The following ADARB2 variants were observed in gnomAD, a reference collection of about 807,000 sequenced individuals.
ADARB2 encodes the protein adenosine deaminase RNA specific B2 (inactive), also known as inactive double-stranded RNA-specific editase B2.
Under a neutral mutation model 62.2 loss-of-function variants are expected in ADARB2, and 25 were observed. The observed-to-expected ratio is 0.40, with a 90% confidence interval of 0.29 to 0.56. The LOEUF (loss-of-function observed/expected upper bound fraction) is 0.56. ADARB2 is among the 20% of genes least tolerant of loss of function. ADARB2 has a pLI of 0.43. For synonymous variants in ADARB2, 572 were observed against 500.8 expected (o/e 1.14, Z -1.90); for missense variants, 1,071 against 1,077.4 (o/e 0.99, Z 0.08).
At chr10:1,308,245 GTCC>G (rs2131821423) in intron 3 of ADARB2, among the ~76,000 whole-genome samples, 1 of 152,180 alleles carries the variant, frequency 6.6e-6, no homozygotes, top group Admixed American at 6.5e-5. Flanking sequence ...TTTCCAGAAT[GTCC>G]TGTAGATGGA....
rs558432447 is a variant in ADARB2, at chr10:1,341,318, A to G, written c.1077+21710T>C. ...AGAGAACCACGTGCCCCACAGTGGC[A>G]ATAACCAGCATCCACCAGAGAACAA... On this transcript the variant is annotated intron_variant, in intron 3 of 9. Coordinates refer to ENST00000381312, the MANE Select transcript of ADARB2 (RefSeq NM_018702.4). Among the ~76,000 whole-genome samples, 851 of 141,188 alleles carry G rather than the reference A, an allele frequency of 6.0e-3. 20 individuals carry two copies. The highest frequency in any genetic ancestry group is 0.022 in the African/African-American group (787 of 36,588). 92.6% of individuals were successfully genotyped at this position (141,188 alleles called of 152,430 possible).
intron 3 of ADARB2, among the ~76,000 whole-genome samples, chr10:1,341,315 G>A (rs1475872666): frequency 6.8e-6 from 1 of 147,738 alleles, no homozygotes; most frequent in African/African-American, 2.5e-5. Flanking sequence ...GCCCCACAGT[G>A]GCAATAACCA....
intron 6 of ADARB2, among the ~76,000 whole-genome samples, chr10:1,228,336 C>T (rs558481718): frequency 9.2e-5 from 14 of 152,266 alleles, no homozygotes; most frequent in Non-Finnish European, 1.5e-4. Flanking sequence ...GCAGGCAGGT[C>T]GTTGGTGGGT....
intron 6 of ADARB2, among the ~76,000 whole-genome samples, chr10:1,230,013 A>C (rs1830789311): frequency 6.6e-6 from 1 of 152,178 alleles, no homozygotes; most frequent in African/African-American, 2.4e-5. Flanking sequence ...AGGACCAAGC[A>C]CTGTGCTGGT....
chr10:1,527,276 G>A (rs1186497975), intron 1 of ADARB2, among the ~76,000 whole-genome samples: 1 of 152,178 alleles, frequency 6.6e-6, no homozygotes, highest in Non-Finnish European at 1.5e-5. Flanking sequence ...GACTCTGCTA[G>A]TATTTTAAAT....
Position 1,303,204 on chromosome 10 carries a change from C to T in ADARB2, c.1078-32135G>A, listed in dbSNP as rs1405501522. Among the ~76,000 whole-genome samples the T allele has an allele frequency of 2.0e-5, 3 of 151,998 alleles. No individual in the cohort carries two copies. In the East Asian group the frequency reaches 5.8e-4, roughly 29 times the overall value. On this transcript the variant is annotated intron_variant, in intron 3 of 9. Coordinates refer to ENST00000381312, the MANE Select transcript of ADARB2 (RefSeq NM_018702.4). ...TTAAAGGAGCTGATAGAGCTGAAAA[C>T]CAAGGCTCGAGAACTACGTGAAGAA...
At chr10:1,199,875 G>A in intron 8 of ADARB2, 91 bp downstream of exon 8, 9 of 1,321,588 alleles carry the variant, frequency 6.8e-6, no homozygotes, top group Non-Finnish European at 9.0e-6. Flanking sequence ...CAACATGGAT[G>A]AAGTCTGCGA....
rs750228713 is a variant in ADARB2, at chr10:1,363,544, C to T, written c.561G>A (p.Arg187=). The T allele has an allele frequency of 3.1e-5, 48 of 1,563,538 alleles. No homozygotes were observed. Among genetic ancestry groups the T allele is most frequent in the Non-Finnish European group, 4.1e-5 (48 of 1,156,820 alleles). ...AKMRAAELAL[R]SFVQFPNACQ... Reference sequence around the variant, plus strand: ...AGGCGTTGGGGAACTGCACGAAGGACCTGAGTGCCAGCTCCGCCGCGCGCA... The same window carrying T: ...AGGCGTTGGGGAACTGCACGAAGGATCTGAGTGCCAGCTCCGCCGCGCGCA... The change falls in exon 3 of 10, where the codon AGG becomes AGA. Residue 187 remains arginine, a synonymous_variant. Coordinates refer to ENST00000381312, the MANE Select transcript of ADARB2 (RefSeq NM_018702.4).
chr10:1,647,613 T>C (rs1235797054), intron 1 of ADARB2, among the ~76,000 whole-genome samples: 1 of 152,120 alleles, frequency 6.6e-6, no homozygotes, highest in Non-Finnish European at 1.5e-5. Flanking sequence ...TGTGTGGGGA[T>C]ATGTATTTAT....
intron 8 of ADARB2, 91 bp from the exon 9 acceptor site, chr10:1,185,130 T>C: frequency 6.9e-7 from 1 of 1,444,232 alleles, no homozygotes; most frequent in East Asian, 2.4e-5. Context: ...GGAGCCTGTA[T>C]GTGAGTGGGA....
intron 1 of ADARB2, among the ~76,000 whole-genome samples, chr10:1,587,357 C>T (rs1231486836): frequency 6.6e-6 from 1 of 152,190 alleles, no homozygotes; most frequent in Non-Finnish European, 1.5e-5. Flanking sequence ...TTCCAGTCCT[C>T]ATCCAGACAG....
At chr10:1,262,354 A>G (rs1233573944) in intron 4 of ADARB2, among the ~76,000 whole-genome samples, 1 of 150,634 alleles carries the variant, frequency 6.6e-6, no homozygotes, top group Non-Finnish European at 1.5e-5. Flanking sequence ...CAGGCAGCCT[A>G]CAGAATGGGA....
At chr10:1,651,342 G>A (rs1834106669) in intron 1 of ADARB2, among the ~76,000 whole-genome samples, 1 of 152,238 alleles carries the variant, frequency 6.6e-6, no homozygotes, top group South Asian at 2.1e-4. Flanking sequence ...CTCCAAGGTT[G>A]GCCCTGGCGA....
At chr10:1,295,011 G>T (rs1281056790) in intron 3 of ADARB2, among the ~76,000 whole-genome samples, 1 of 152,220 alleles carries the variant, frequency 6.6e-6, no homozygotes, top group Non-Finnish European at 1.5e-5. Flanking sequence ...CAGGTAAGCA[G>T]CTGGCTTCTG....
At chr10:1,414,028 A>C (rs1832781172) in intron 1 of ADARB2, among the ~76,000 whole-genome samples, 1 of 152,112 alleles carries the variant, frequency 6.6e-6, no homozygotes, top group African/African-American at 2.4e-5. Context: ...CGTTCTTCAG[A>C]CGCTGTTCAG....
chr10:1,416,869 G>A (rs2131882544), intron 1 of ADARB2, among the ~76,000 whole-genome samples: 1 of 152,386 alleles, frequency 6.6e-6, no homozygotes, highest in South Asian at 2.1e-4. Context: ...GGAGAGAGAA[G>A]GTGTCGGCCT....
At chr10:1,202,859 G>A (rs185934439) in intron 7 of ADARB2, among the ~76,000 whole-genome samples, 3 of 152,330 alleles carry the variant, frequency 2.0e-5, no homozygotes, top group East Asian at 1.9e-4. Flanking sequence ...GTCAGAGCAC[G>A]GGCTTTGAAC....
chr10:1,660,257 C>T (rs1416838405), intron 1 of ADARB2, among the ~76,000 whole-genome samples: 1 of 152,230 alleles, frequency 6.6e-6, no homozygotes, highest in East Asian at 1.9e-4. Context: ...ATCATCAATC[C>T]CCTTCTGCAG....
chr10:1,189,135 T>C lies in ADARB2; in HGVS notation c.1865-4096A>G, dbSNP rs527653649. 1.1e-3 allele frequency among the ~76,000 whole-genome samples: 160 copies of C among 152,282 alleles called. 1 individual carries two copies. The highest frequency in any genetic ancestry group is 1.6e-3 in the Non-Finnish European group (108 of 68,040). On this transcript the variant is annotated intron_variant, in intron 8 of 9. Coordinates refer to ENST00000381312, the MANE Select transcript of ADARB2 (RefSeq NM_018702.4). The stretch of plus-strand genomic sequence containing the variant: ...GATGTCTCCTGAGGACACTCCAGCA[T>C]TGGGACATCAGGTCACTCCAGGCTC...
Sources: allele counts gnomAD v4.1 joint callset (sites outside exome capture counted in the v4.1 genomes callset), GRCh38; gene constraint gnomAD v4.1.1; transcripts MANE v1.5; gene names NCBI Gene and HGNC (gene_info 2026-07-23, HGNC 2026-07-21).